Variants in SLC24A2 observed in about 807,000 individuals in gnomAD.
The protein encoded by SLC24A2 is sodium/potassium/calcium exchanger 2.
Under a neutral mutation model 62.0 loss-of-function variants are expected in SLC24A2, and 36 were observed. The ratio of observed to expected loss-of-function variants is 0.58; its 90% CI spans 0.44 to 0.77. The LOEUF (loss-of-function observed/expected upper bound fraction) is 0.77. Ranked by LOEUF, SLC24A2 falls within the 30% of genes least tolerant of loss-of-function variation. The pLI is 0.00. For missense variants in SLC24A2, 846 were observed against 817.9 expected, an observed-to-expected ratio of 1.03 and a Z score of -0.42; for synonymous variants, 358 against 294.0, an observed-to-expected ratio of 1.22 and a Z score of -2.23.
chr9:19,833,065 G>C, the SLC24A2 span, among the ~76,000 whole-genome samples: 1 of 152,150 alleles, frequency 6.6e-6, no homozygotes, highest in Non-Finnish European at 1.5e-5. Flanking sequence ...CAGTTAGAAT[G>C]GCGATCATTA....
the SLC24A2 span, among the ~76,000 whole-genome samples, chr9:20,220,978 G>A: frequency 6.6e-6 from 1 of 152,052 alleles, no homozygotes. Flanking sequence ...TTCTTTCTAT[G>A]TGTGACACTG....
chr9:20,081,323 T>C, the SLC24A2 span, among the ~76,000 whole-genome samples: 3 of 151,840 alleles, frequency 2.0e-5, no homozygotes, highest in Admixed American at 2.0e-4. Flanking sequence ...TTCATGTCCT[T>C]TGTAGGGACA....
the SLC24A2 span, among the ~76,000 whole-genome samples, chr9:20,142,226 AC>A: frequency 6.6e-6 from 1 of 152,148 alleles, no homozygotes; most frequent in African/African-American, 2.4e-5. Flanking sequence ...AAGAATACTT[AC>A]CTGCTCAATA....
the SLC24A2 span, among the ~76,000 whole-genome samples, chr9:20,057,357 T>C: frequency 6.6e-6 from 1 of 152,236 alleles, no homozygotes; most frequent in African/African-American, 2.4e-5. Flanking sequence ...AACTACGCAC[T>C]TCTGACCTAT....
chr9:19,841,124 T>A, the SLC24A2 span, among the ~76,000 whole-genome samples: 16 of 152,190 alleles, frequency 1.1e-4, no homozygotes, highest in Admixed American at 7.9e-4. Flanking sequence ...TATTAAGAGC[T>A]TACTCTGAGC....
chr9:20,210,289 C>A, the SLC24A2 span, among the ~76,000 whole-genome samples: 1 of 152,196 alleles, frequency 6.6e-6, no homozygotes, highest in Non-Finnish European at 1.5e-5. Context: ...ACTAACATCA[C>A]ATACATTTAA....
At chr9:19,781,330 G>T (rs1823014411) in intron 2 of SLC24A2, among the ~76,000 whole-genome samples, 1 of 152,162 alleles carries the variant, frequency 6.6e-6, no homozygotes, top group African/African-American at 2.4e-5. Flanking sequence ...ACAAAAGGAG[G>T]GAAGAGGAGA....
intron 8 of SLC24A2, among the ~76,000 whole-genome samples, chr9:19,549,218 G>C (rs897662673): frequency 6.6e-6 from 1 of 152,230 alleles, no homozygotes; most frequent in Admixed American, 6.5e-5. Context: ...GAAAATGTGA[G>C]TAACCTTCCT....
intron 2 of SLC24A2, chr9:19,705,654 T>C (rs905842060): frequency 9.2e-6 from 2 of 216,936 alleles, no homozygotes; most frequent in East Asian, 1.1e-4. Flanking sequence ...TGAAGGACCT[T>C]TGAACATCTT....
the SLC24A2 span, among the ~76,000 whole-genome samples, chr9:20,076,804 C>A: frequency 6.7e-6 from 1 of 149,658 alleles, no homozygotes; most frequent in East Asian, 2.0e-4. Context: ...TGCTGCAATG[C>A]ACATGGGGAC....
the SLC24A2 span, among the ~76,000 whole-genome samples, chr9:20,144,132 C>G: frequency 6.6e-6 from 1 of 152,138 alleles, no homozygotes; most frequent in Non-Finnish European, 1.5e-5. Flanking sequence ...AAAGAAGAAA[C>G]CCTTTGTTCT....
At chr9:19,952,065 G>C in the SLC24A2 span, among the ~76,000 whole-genome samples, 946 of 152,058 alleles carry the variant, frequency 6.2e-3, 12 homozygotes, top group African/African-American at 0.021. Context: ...TTATTCCCAA[G>C]TATTTTATTT....
chr9:20,022,352 C>G, the SLC24A2 span, among the ~76,000 whole-genome samples: 1,447 of 152,250 alleles, frequency 9.5e-3, 32 homozygotes, highest in African/African-American at 0.033. Context: ...TTTATTTAAA[C>G]CATATAACAA....
the SLC24A2 span, among the ~76,000 whole-genome samples, chr9:20,005,475 A>G: frequency 2.0e-5 from 3 of 152,166 alleles, no homozygotes; most frequent in African/African-American, 7.2e-5. Flanking sequence ...CATTTTACAG[A>G]TGAGGAAATA....
chr9:19,728,533 A>G (rs1453249128), intron 2 of SLC24A2, among the ~76,000 whole-genome samples: 1 of 152,134 alleles, frequency 6.6e-6, no homozygotes, highest in South Asian at 2.1e-4. Flanking sequence ...GCTTTGCTAT[A>G]ATGAAAAAAT....
At chr9:19,819,106 C>T in the SLC24A2 span, among the ~76,000 whole-genome samples, 15 of 152,058 alleles carry the variant, frequency 9.9e-5, no homozygotes, top group Non-Finnish European at 1.9e-4. Flanking sequence ...GGAAAAGACA[C>T]CCTTTTCAAC....
chr9:19,874,575 T>A, the SLC24A2 span, among the ~76,000 whole-genome samples: 1 of 152,194 alleles, frequency 6.6e-6, no homozygotes. Flanking sequence ...TTGACCCAAA[T>A]ACTTTTCAAA....
intron 8 of SLC24A2, among the ~76,000 whole-genome samples, chr9:19,542,139 G>A (rs981682069): frequency 6.6e-6 from 1 of 152,180 alleles, no homozygotes; most frequent in African/African-American, 2.4e-5. Flanking sequence ...CGGTACCTCA[G>A]ATGGAAATGC....
chr9:20,033,845 T>G, the SLC24A2 span, among the ~76,000 whole-genome samples: 1 of 152,172 alleles, frequency 6.6e-6, no homozygotes, highest in Non-Finnish European at 1.5e-5. Flanking sequence ...AAAAATAGCC[T>G]ACCAGCAGCC....
Sources: gnomAD v4.1 joint callset for allele counts (sites outside exome capture counted in the v4.1 genomes callset) on GRCh38, gnomAD v4.1.1 for gene constraint, MANE v1.5 for transcripts, NCBI Gene and HGNC (gene_info 2026-07-23, HGNC 2026-07-21) for gene names.